NDST4: variants seen among roughly 807,000 people sequenced by gnomAD.
The protein encoded by NDST4 is N-deacetylase and N-sulfotransferase 4, also known as N-heparan sulfate sulfotransferase 4.
A neutral mutation model predicts 100.8 loss-of-function variants in NDST4; 63 were observed. That is an observed-to-expected ratio of 0.62 (90% confidence interval 0.51 to 0.77). The LOEUF is 0.77. Among genes scored for constraint, NDST4 ranks in the 30% least tolerant of loss-of-function variants. The pLI is 0.00. For missense variants in NDST4, 943 were observed against 1,018.4 expected, an observed-to-expected ratio of 0.93 and a Z score of 1.01; for synonymous variants, 377 against 361.8, an observed-to-expected ratio of 1.04 and a Z score of -0.48.
chr4:114,887,266 A>G (rs985390353), intron 6 of NDST4, among the ~76,000 whole-genome samples: 5 of 152,210 alleles, frequency 3.3e-5, no homozygotes, highest in Non-Finnish European at 7.4e-5. Flanking sequence ...CTCTTTGTTT[A>G]GTGTAAAAAT....
intron 2 of NDST4, among the ~76,000 whole-genome samples, chr4:115,000,502 T>C (rs961085977): frequency 6.6e-6 from 1 of 152,178 alleles, no homozygotes; most frequent in East Asian, 1.9e-4. Flanking sequence ...TATTTACACA[T>C]GGACCCAAAA....
intron 6 of NDST4, among the ~76,000 whole-genome samples, chr4:114,880,426 C>T (rs1724342697): frequency 6.6e-6 from 1 of 152,074 alleles, no homozygotes; most frequent in Non-Finnish European, 1.5e-5. Context: ...AACCATGTTG[C>T]AATGATGCCA....
chr4:114,849,645 T>G (rs1380532651), intron 8 of NDST4, among the ~76,000 whole-genome samples: 2 of 152,072 alleles, frequency 1.3e-5, no homozygotes, highest in African/African-American at 4.8e-5. Flanking sequence ...ATGGAAGACA[T>G]GTTAAAACAC....
chr4:114,991,976 A>G (rs1402014477), intron 2 of NDST4, among the ~76,000 whole-genome samples: 1 of 151,906 alleles, frequency 6.6e-6, no homozygotes, highest in African/African-American at 2.4e-5. Flanking sequence ...TTCTGGTTTA[A>G]AGTATATAAT....
chr4:114,904,177 G>A (rs1299762057), intron 6 of NDST4, among the ~76,000 whole-genome samples: 2 of 151,844 alleles, frequency 1.3e-5, no homozygotes, highest in Admixed American at 6.6e-5. Context: ...ATCTCTTAGT[G>A]GCAGTATTTT....
chr4:115,025,830 T>A (rs541002280), intron 2 of NDST4, among the ~76,000 whole-genome samples: 2 of 152,282 alleles, frequency 1.3e-5, no homozygotes, highest in Admixed American at 6.5e-5. Context: ...TACATATCTA[T>A]GCGGTACGAT....
In NDST4 at chr4:114,946,524, C is replaced by T. The variant is rs532624304; in HGVS notation, c.1222-9021G>A. On this transcript the variant is annotated intron_variant, in intron 4 of 13. Coordinates refer to ENST00000264363, the MANE Select transcript of NDST4 (RefSeq NM_022569.3). ...TTTGAGTTAAGGTAAAAAGTTGTGA[C>T]GGATTGAGCTATACAGACTATTTGA... Among the ~76,000 whole-genome samples, 8 of 152,098 alleles carry T rather than the reference C, an allele frequency of 5.3e-5. No individual in the cohort carries two copies. The East Asian group carries it at 5.8e-4, about 11-fold the overall frequency.
chr4:114,889,731 G>A (rs908373430), intron 6 of NDST4, among the ~76,000 whole-genome samples: 1 of 152,108 alleles, frequency 6.6e-6, no homozygotes, highest in Non-Finnish European at 1.5e-5. Context: ...GCCTTGACTG[G>A]GGGGAGAAAA....
intron 3 of NDST4, among the ~76,000 whole-genome samples, chr4:114,975,329 T>G (rs1451123929): frequency 1.3e-5 from 2 of 152,154 alleles, no homozygotes; most frequent in African/African-American, 2.4e-5. Context: ...ATTTATAGAT[T>G]TATAAATATT....
At chr4:115,101,324 T>C (rs1729724091) in intron 1 of NDST4, among the ~76,000 whole-genome samples, 1 of 152,004 alleles carries the variant, frequency 6.6e-6, no homozygotes, top group South Asian at 2.1e-4. Flanking sequence ...GTCTGTGAAA[T>C]ATCAAAAAGG....
intron 1 of NDST4, among the ~76,000 whole-genome samples, chr4:115,080,225 C>T (rs1729272862): frequency 6.6e-6 from 1 of 152,190 alleles, no homozygotes; most frequent in African/African-American, 2.4e-5. Flanking sequence ...CAGCCTCCAC[C>T]TCCCAAGGTC....
chr4:114,868,381 T>C (rs918785586), intron 7 of NDST4, among the ~76,000 whole-genome samples: 1 of 152,092 alleles, frequency 6.6e-6, no homozygotes, highest in African/African-American at 2.4e-5. Flanking sequence ...CATTTTAAAA[T>C]GTGTTATTAT....
chr4:115,024,881 T>G (rs2126266999), intron 2 of NDST4, among the ~76,000 whole-genome samples: 1 of 152,230 alleles, frequency 6.6e-6, no homozygotes, highest in South Asian at 2.1e-4. Flanking sequence ...GCCATCAGGG[T>G]TTTTCTCTCA....
At chr4:114,900,615 G>T (rs768897630) in intron 6 of NDST4, among the ~76,000 whole-genome samples, 5 of 152,128 alleles carry the variant, frequency 3.3e-5, no homozygotes, top group Non-Finnish European at 7.4e-5. Flanking sequence ...GTGTAGGTTT[G>T]TAGCATAGGA....
chr4:114,835,841 C>T (rs987538021), intron 11 of NDST4, among the ~76,000 whole-genome samples: 1 of 152,100 alleles, frequency 6.6e-6, no homozygotes, highest in East Asian at 1.9e-4. Context: ...CTTCTTGTTG[C>T]GTTGATCCCT....
At chr4:115,021,654 T>C (rs1464567451) in intron 2 of NDST4, among the ~76,000 whole-genome samples, 1 of 149,290 alleles carries the variant, frequency 6.7e-6, no homozygotes, top group African/African-American at 2.5e-5. Flanking sequence ...ATTCCATATA[T>C]ACACACGTTC....
At chr4:114,917,380 T>A (rs1017490617) in intron 6 of NDST4, among the ~76,000 whole-genome samples, 1 of 152,062 alleles carries the variant, frequency 6.6e-6, no homozygotes, top group South Asian at 2.1e-4. Context: ...GCTGATGGAG[T>A]CTAGTTATTG....
At chr4:115,002,030 T>C (rs571721297) in intron 2 of NDST4, among the ~76,000 whole-genome samples, 1 of 152,314 alleles carries the variant, frequency 6.6e-6, no homozygotes, top group South Asian at 2.1e-4. Flanking sequence ...AAGTTCTTTC[T>C]TCAAGTTATG....
At chr4:114,935,820 A>T (rs1560820397) in intron 5 of NDST4, among the ~76,000 whole-genome samples, 1 of 152,150 alleles carries the variant, frequency 6.6e-6, no homozygotes, top group African/African-American at 2.4e-5. Flanking sequence ...ACATTTTATG[A>T]TATACTAGTC....
Sources: allele counts gnomAD v4.1 joint callset (sites outside exome capture counted in the v4.1 genomes callset), GRCh38; gene constraint gnomAD v4.1.1; transcripts MANE v1.5; gene names NCBI Gene and HGNC (gene_info 2026-07-23, HGNC 2026-07-21).